The following ADAMTS19 variants were observed in gnomAD, a reference collection of about 807,000 sequenced individuals.
ADAMTS19 encodes the protein A disintegrin and metalloproteinase with thrombospondin motifs 19.
In ADAMTS19, 93 loss-of-function variants were observed where a neutral mutation model predicts 153.3. That is an observed-to-expected ratio of 0.61 (90% CI 0.51 to 0.72). The LOEUF is 0.72. ADAMTS19 is among the 30% of genes least tolerant of loss of function. The pLI, the probability that ADAMTS19 is intolerant of heterozygous loss-of-function variation, is 0.00. For missense variants in ADAMTS19, 1,482 were observed against 1,552.1 expected (o/e 0.95, Z 0.76); for synonymous variants, 600 against 556.6 (o/e 1.08, Z -1.10).
chr5:129,672,381 C>A (rs1344796208), intron 16 of ADAMTS19, among the ~76,000 whole-genome samples: 2 of 152,040 alleles, frequency 1.3e-5, no homozygotes, highest in Non-Finnish European at 2.9e-5. Context: ...CCCTTAGATA[C>A]TAAAAACAAA....
At chr5:129,503,060 G>T (rs901202464) in intron 2 of ADAMTS19, among the ~76,000 whole-genome samples, 6 of 152,182 alleles carry the variant, frequency 3.9e-5, no homozygotes, top group African/African-American at 1.4e-4. Context: ...AATATGCCAA[G>T]ATGTAATCAT....
intron 16 of ADAMTS19, among the ~76,000 whole-genome samples, chr5:129,672,979 T>A (rs2127099864): frequency 6.6e-6 from 1 of 152,234 alleles, no homozygotes; most frequent in African/African-American, 2.4e-5. Flanking sequence ...TCAATTTCAT[T>A]GGTTTAAACT....
rs540707176 is a variant in ADAMTS19, at chr5:129,675,800, C to T, written c.2507-3964C>T. On this transcript the variant is annotated intron_variant, in intron 16 of 22. Transcript: ENST00000274487. ...CTGTAATCCCAGCCCTTTGGGAGGG[C>T]AAGGCAGGCAGATCACTTGAGGTCA... is the stretch of plus-strand genomic sequence containing the variant. Among the ~76,000 whole-genome samples the T allele has an allele frequency of 5.9e-4, 90 of 152,208 alleles. 1 individual carries two copies. The Middle Eastern group carries it at 0.014, about 23-fold the overall frequency.
chr5:129,698,790 A>G (rs1161643559), intron 19 of ADAMTS19, among the ~76,000 whole-genome samples: 1 of 152,170 alleles, frequency 6.6e-6, no homozygotes, highest in East Asian at 1.9e-4. Flanking sequence ...TATTTTTTGG[A>G]TATTCTTGTG....
chr5:129,723,215 C>T (rs916895071), intron 21 of ADAMTS19, among the ~76,000 whole-genome samples: 5 of 152,102 alleles, frequency 3.3e-5, no homozygotes, highest in South Asian at 2.1e-4. Flanking sequence ...AAGTAAACTT[C>T]GACTCTACAC....
chr5:129,629,044 T>A (rs1752177316), intron 10 of ADAMTS19, among the ~76,000 whole-genome samples: 2 of 151,760 alleles, frequency 1.3e-5, no homozygotes, highest in South Asian at 2.1e-4. Flanking sequence ...TCACCCTACC[T>A]GGCAGTCTGT....
At chr5:129,674,636 T>A (rs1754475254) in intron 16 of ADAMTS19, among the ~76,000 whole-genome samples, 1 of 152,200 alleles carries the variant, frequency 6.6e-6, no homozygotes, top group South Asian at 2.1e-4. Context: ...AAATTATTTA[T>A]ACCACTTTAT....
chr5:129,595,378 T>A (rs949777101), intron 7 of ADAMTS19, among the ~76,000 whole-genome samples: 2 of 152,274 alleles, frequency 1.3e-5, no homozygotes, highest in South Asian at 2.1e-4. Context: ...ACTAAATCTG[T>A]TCCTATACTT....
At chr5:129,612,390 T>G (rs964072350) in intron 8 of ADAMTS19, among the ~76,000 whole-genome samples, 5 of 151,466 alleles carry the variant, frequency 3.3e-5, no homozygotes, top group African/African-American at 9.7e-5. Context: ...GACATTTAGG[T>G]TGCTTAAAGA....
At chr5:129,643,167 GCACACA>G (rs76876946) in intron 11 of ADAMTS19, among the ~76,000 whole-genome samples, 1 of 148,016 alleles carries the variant, frequency 6.8e-6, no homozygotes, top group Non-Finnish European at 1.5e-5. Context: ...ACACACAAAA[GCACACA>G]CACACACACA....
intron 7 of ADAMTS19, among the ~76,000 whole-genome samples, chr5:129,574,161 T>G (rs1022693320): frequency 8.5e-5 from 13 of 152,144 alleles, no homozygotes; most frequent in Non-Finnish European, 1.5e-4. Context: ...GGTTATCATA[T>G]TTTAGACCAG....
chr5:129,682,211 G>A (rs1754852408), intron 17 of ADAMTS19, among the ~76,000 whole-genome samples: 1 of 152,142 alleles, frequency 6.6e-6, no homozygotes, highest in Admixed American at 6.5e-5. Context: ...AGGCATCTAT[G>A]TGACCTGGAT....
At chr5:129,638,576 T>TACACACACAC (rs200992336) in intron 10 of ADAMTS19, among the ~76,000 whole-genome samples, 4 of 75,794 alleles carry the variant, frequency 5.3e-5, no homozygotes, top group African/African-American at 2.5e-4. Flanking sequence ...CACACACACA[T>TACACACACAC]ACACACACAC....
intron 18 of ADAMTS19, among the ~76,000 whole-genome samples, chr5:129,690,645 A>T (rs975786558): frequency 1.4e-4 from 21 of 152,196 alleles, no homozygotes; most frequent in African/African-American, 5.1e-4. Context: ...CATGATTTTG[A>T]AAGTCGTTTA....
chr5:129,461,668 G>T lies in ADAMTS19; in HGVS notation c.658G>T (p.Ala220Ser), dbSNP rs1472305000. The T allele has an allele frequency of 6.3e-7, 1 of 1,583,032 alleles. No individual in the cohort carries two copies. The highest frequency in any genetic ancestry group is 8.5e-7 in the Non-Finnish European group (1 of 1,170,624). Residue 220 changes from alanine to serine, a missense_variant, in exon 2 of 23, where the codon GCG becomes TCG. Around this residue, in one of 2 missense-constraint regions of ADAMTS19, gnomAD observed 866 missense variants for 827.7 expected, o/e 1.05. Coordinates refer to ENST00000274487, the MANE Select transcript of ADAMTS19 (RefSeq NM_133638.6). This position sits in a 1 kb window ranked among gnomAD's most constrained non-coding sequence, Gnocchi z 4.6. ...GGCAGCATCCGCCCCGCAACCTCCC[G>T]CGCCACCAGACGCAGGCTGCTTCTA... ...TGAASAPQPP[A>S]PPDAGCFYTG...
chr5:129,499,097 A>G (rs1295358568), intron 2 of ADAMTS19, among the ~76,000 whole-genome samples: 2 of 152,090 alleles, frequency 1.3e-5, no homozygotes, highest in Non-Finnish European at 1.5e-5. Flanking sequence ...ACAACTAAGA[A>G]GTAGATTTTA....
In ADAMTS19 at chr5:129,666,078, G is replaced by T. The variant is rs183952650; in HGVS notation, c.2506+499G>T. Among the ~76,000 whole-genome samples the T allele has an allele frequency of 6.7e-4, 102 of 151,182 alleles. No individual in the cohort carries two copies. In the East Asian group the frequency reaches 0.016, roughly 23 times the overall value. On this transcript the variant is annotated intron_variant, in intron 16 of 22. Transcript: ENST00000274487. ...AGGACTTGATTTTTTAATGGAAAAG[G>T]GTTCTCTCTCTTGCCTCATTTTAGG...
At chr5:129,729,907 GA>G (rs1757364547) in intron 21 of ADAMTS19, among the ~76,000 whole-genome samples, 1 of 152,046 alleles carries the variant, frequency 6.6e-6, no homozygotes. Flanking sequence ...GGGCCTCTTT[GA>G]AATATCGAGA....
At chr5:129,476,836 T>A (rs1044486260) in intron 2 of ADAMTS19, among the ~76,000 whole-genome samples, 1 of 152,134 alleles carries the variant, frequency 6.6e-6, no homozygotes, top group African/African-American at 2.4e-5. Flanking sequence ...TTTTAGTAGC[T>A]CTTACATAGA....
Sources: allele counts gnomAD v4.1 joint callset (sites outside exome capture counted in the v4.1 genomes callset), GRCh38; gene constraint gnomAD v4.1.1; regional missense constraint gnomAD v4.1.1; non-coding constraint Gnocchi (gnomAD v3.1); transcripts MANE v1.5; gene names NCBI Gene and HGNC (gene_info 2026-07-23, HGNC 2026-07-21).